The following HSD17B6 variants were observed in gnomAD, a reference collection of about 807,000 sequenced individuals.
The protein encoded by HSD17B6 is 17-beta-hydroxysteroid dehydrogenase type 6.
In HSD17B6, 16 loss-of-function variants were observed where a neutral mutation model predicts 26.4. The ratio of observed to expected loss-of-function variants is 0.61; its 90% confidence interval spans 0.41 to 0.92. The LOEUF is 0.92. Among genes scored for constraint, HSD17B6 ranks in the 40% least tolerant of loss-of-function variants. HSD17B6 has a pLI of 0.00. For missense variants in HSD17B6, 357 were observed against 386.1 expected, an observed-to-expected ratio of 0.92 and a Z score of 0.63; for synonymous variants, 139 against 153.0, an observed-to-expected ratio of 0.91 and a Z score of 0.68.
chr12:56,782,233 GTAACT>G lies in HSD17B6; in HGVS notation c.572+5_572+9del, dbSNP rs1954734969. 3.7e-6 allele frequency: 6 copies of G among 1,612,474 alleles called. No homozygotes were observed. The highest frequency in any genetic ancestry group is 8.5e-7 in the Non-Finnish European group (1 of 1,179,418). ...TGGAAGCCTTTTCAGATATTCTGAG[GTAACT>G]TAAGTTAAAACAAAAACAGCTATTG... On this transcript the variant is annotated splice_donor_variant and splice_donor_5th_base_variant and intron_variant, in intron 3 of 4. Transcript: ENST00000322165. LOFTEE classifies it high-confidence loss of function.
At chr12:56,767,798 A>G (rs1565915443) in intron 1 of HSD17B6, among the ~76,000 whole-genome samples, 3 of 146,248 alleles carry the variant, frequency 2.1e-5, no homozygotes, top group South Asian at 4.2e-4. Context: ...TATAATATAT[A>G]TGTGTGTATA....
intron 1 of HSD17B6, among the ~76,000 whole-genome samples, chr12:56,765,095 A>AT (rs1375913858): frequency 2.0e-5 from 3 of 152,062 alleles, no homozygotes; most frequent in Admixed American, 2.0e-4. Context: ...AAGTTCTGGG[A>AT]TTAAAAGCAT....
intron 1 of HSD17B6, among the ~76,000 whole-genome samples, chr12:56,763,701 G>A (rs1837019276): frequency 6.6e-6 from 1 of 151,894 alleles, no homozygotes; most frequent in African/African-American, 2.4e-5. Flanking sequence ...TCTGAAAACG[G>A]GATTCTCGGC....
chr12:56,767,092 G>C lies in HSD17B6; in HGVS notation c.-20+3678G>C, dbSNP rs560870524. 2.6e-5 allele frequency among the ~76,000 whole-genome samples: 4 copies of C among 152,228 alleles called. No homozygotes were observed. In the East Asian group the frequency reaches 7.7e-4, roughly 29 times the overall value. On this transcript the variant is annotated intron_variant, in intron 1 of 4. Transcript: ENST00000322165. ...GTGTAGTGCAGTGGTTAGATGCAAG[G>C]CTTCTGCAGGTGAACACTCTGGAGT...
At chr12:56,785,861 C>A in intron 4 of HSD17B6, 1 of 659,628 alleles carries the variant, frequency 1.5e-6, no homozygotes, top group Non-Finnish European at 1.9e-6. Flanking sequence ...CTTTGCAGAG[C>A]CCTATGGGCC....
At chr12:56,780,436 T>C (rs1431008557) in intron 2 of HSD17B6, among the ~76,000 whole-genome samples, 2 of 152,258 alleles carry the variant, frequency 1.3e-5, no homozygotes, top group African/African-American at 2.4e-5. Context: ...GGCGTGCTTA[T>C]ACTGGTCCAA....
intron 2 of HSD17B6, among the ~76,000 whole-genome samples, chr12:56,778,178 GA>G (rs1467919529): frequency 2.6e-5 from 4 of 152,054 alleles, no homozygotes; most frequent in Non-Finnish European, 2.9e-5. Context: ...CCTCACATTT[GA>G]ATTTCCAACT....
chr12:56,777,978 A>T (rs1335280966), intron 2 of HSD17B6, among the ~76,000 whole-genome samples: 1 of 152,070 alleles, frequency 6.6e-6, no homozygotes, highest in Non-Finnish European at 1.5e-5. Flanking sequence ...TTTCTATTGT[A>T]TTGTTATTGT....
intron 1 of HSD17B6, among the ~76,000 whole-genome samples, chr12:56,764,371 G>A (rs1023653834): frequency 6.6e-5 from 10 of 152,106 alleles, no homozygotes; most frequent in African/African-American, 2.4e-4. Context: ...AGAGGTCCTC[G>A]CTTGAGACAG....
chr12:56,772,241 T>G (rs1470439088), intron 1 of HSD17B6, among the ~76,000 whole-genome samples: 1 of 152,218 alleles, frequency 6.6e-6, no homozygotes, highest in East Asian at 1.9e-4. Flanking sequence ...TCTGTTATAA[T>G]GCATTGTTGT....
At chr12:56,778,813 T>A (rs1954649547) in intron 2 of HSD17B6, among the ~76,000 whole-genome samples, 1 of 151,998 alleles carries the variant, frequency 6.6e-6, no homozygotes. Context: ...TAGCTGGGTC[T>A]ACAGGCGTCC....
intron 1 of HSD17B6, among the ~76,000 whole-genome samples, chr12:56,768,233 TGAG>T (rs1291779561): frequency 6.6e-6 from 1 of 152,090 alleles, no homozygotes; most frequent in African/African-American, 2.4e-5. Flanking sequence ...CAGTGAGGTC[TGAG>T]GAGAAGAGAG....
chr12:56,772,119 G>A (rs1020247957), intron 1 of HSD17B6, among the ~76,000 whole-genome samples: 5 of 152,052 alleles, frequency 3.3e-5, no homozygotes, highest in African/African-American at 1.2e-4. Context: ...AAACGGACTA[G>A]TACACCTGTA....
rs1263259481 is a variant in HSD17B6, at chr12:56,787,550, C to T, written c.*208C>T. 1.1e-5 allele frequency: 6 copies of T among 556,454 alleles called. No homozygotes were observed. Among genetic ancestry groups the T allele is most frequent in the Middle Eastern group, 9.7e-4 (2 of 2,072 alleles). The allele number at this position is 556,454 out of a possible 1,614,324, so 34.5% of individuals were successfully genotyped here. On this transcript the variant is annotated 3_prime_UTR_variant, in exon 5 of 5. Transcript: ENST00000322165. ...GGTGATGAATCTTTACTATTTTAGC[C>T]CTTTTTTGATGAGACTATTTGTCTA...
chr12:56,785,482 A>G (rs1011689916), intron 4 of HSD17B6, among the ~76,000 whole-genome samples: 1 of 152,258 alleles, frequency 6.6e-6, no homozygotes, highest in African/African-American at 2.4e-5. Context: ...AGCTCCTTAA[A>G]TAAAGCATTC....
At position 56,783,561 on chromosome 12, in the gene HSD17B6, T is replaced by G. The variant is rs549551081; in HGVS notation, c.573-1292T>G. 1.2e-3 allele frequency among the ~76,000 whole-genome samples: 137 copies of G among 113,162 alleles called. 1 individual carries two copies. Among genetic ancestry groups the G allele is most frequent in the Non-Finnish European group, 2.1e-3 (115 of 55,492 alleles). The allele number at this position is 113,162 out of a possible 152,430, so 74.2% of individuals were successfully genotyped here. A position where few individuals can be genotyped will look rare whatever the true frequency, so the allele number is the denominator to read the frequency against. On this transcript the variant is annotated intron_variant, in intron 3 of 4. Coordinates refer to ENST00000322165, the MANE Select transcript of HSD17B6 (RefSeq NM_003725.4). ...GGGGGCTGAACCCCCCCCACCTCCC[T>G]CCCGGACAGGACGGCTGGCCGGGCG...
intron 2 of HSD17B6, among the ~76,000 whole-genome samples, chr12:56,781,663 G>A (rs189414800): frequency 2.0e-5 from 3 of 152,286 alleles, no homozygotes; most frequent in African/African-American, 4.8e-5. Flanking sequence ...TTGGCTGGGT[G>A]TGGTGGTGCG....
At chr12:56,774,243 C>T (rs1408808269) in intron 2 of HSD17B6, 78 bp downstream of exon 2, 19 of 1,352,750 alleles carry the variant, frequency 1.4e-5, no homozygotes, top group Middle Eastern at 1.9e-4. Context: ...TTGGTGTCTC[C>T]TGGGGATTGG....
Position 56,787,267 on chromosome 12 carries a change from T to A in HSD17B6, c.879T>A (p.Pro293=). Residue 293 remains proline (P), a synonymous_variant, in exon 5 of 5, where the codon CCT becomes CCA. Coordinates refer to ENST00000322165, the MANE Select transcript of HSD17B6 (RefSeq NM_003725.4). ...GGGATGCTAAATTTTTCTTCATCCC[T>A]CTATCTTATTTACCTACATCACTGG... The part of the protein sequence containing the change: ...AGWDAKFFFI[P]LSYLPTSLAD... 1 of 1,614,142 alleles carries A rather than the reference T, an allele frequency of 6.2e-7. No individual in the cohort carries two copies. The highest frequency in any genetic ancestry group is 1.7e-5 in the Admixed American group (1 of 60,030).
Sources: allele counts gnomAD v4.1 joint callset (sites outside exome capture counted in the v4.1 genomes callset), GRCh38; gene constraint gnomAD v4.1.1; transcripts MANE v1.5; gene names NCBI Gene and HGNC (gene_info 2026-07-23, HGNC 2026-07-21).